The following RIMS2 variants were observed in gnomAD, a reference collection of about 807,000 sequenced individuals.
RIMS2 encodes regulating synaptic membrane exocytosis protein 2.
Under a neutral mutation model 174.4 loss-of-function variants are expected in RIMS2, and 59 were observed. The ratio of observed to expected loss-of-function variants is 0.34; its 90% CI spans 0.27 to 0.42. The LOEUF is 0.42. RIMS2 is among the 10% of genes least tolerant of loss of function. The pLI is 1.00. For missense variants in RIMS2, 1,620 were observed against 1,666.3 expected (o/e 0.97, Z 0.48); for synonymous variants, 606 against 572.5 (o/e 1.06, Z -0.84).
chr8:103,588,730 C>G (rs1396005818), intron 1 of RIMS2, among the ~76,000 whole-genome samples: 2 of 151,874 alleles, frequency 1.3e-5, no homozygotes, highest in Admixed American at 6.6e-5. Context: ...AACTAGACCC[C>G]TGTGTCTCAC....
intron 3 of RIMS2, among the ~76,000 whole-genome samples, chr8:103,810,143 C>A (rs1380968180): frequency 6.6e-6 from 1 of 152,182 alleles, no homozygotes; most frequent in East Asian, 1.9e-4. Flanking sequence ...CTAACCAGTT[C>A]ACTCTTCAGT....
intron 3 of RIMS2, among the ~76,000 whole-genome samples, chr8:103,833,563 C>CT (rs944365059): frequency 6.6e-6 from 1 of 151,842 alleles, no homozygotes; most frequent in African/African-American, 2.4e-5. Context: ...ATTTTTTCAA[C>CT]TTTTTTTGTG....
chr8:103,730,931 A>G (rs1230485181), intron 2 of RIMS2, among the ~76,000 whole-genome samples: 1 of 152,222 alleles, frequency 6.6e-6, no homozygotes, highest in African/African-American at 2.4e-5. Context: ...ATTGACTCAC[A>G]GTTCCACGTG....
intron 19 of RIMS2, among the ~76,000 whole-genome samples, chr8:104,096,729 G>A (rs751185515): frequency 1.3e-5 from 2 of 151,930 alleles, no homozygotes; most frequent in African/African-American, 4.8e-5. Context: ...TTAGCTGGGC[G>A]TGGTGGTGTG....
chr8:103,990,499 A>G (rs2094611172), intron 17 of RIMS2, among the ~76,000 whole-genome samples: 1 of 152,084 alleles, frequency 6.6e-6, no homozygotes, highest in Non-Finnish European at 1.5e-5. Flanking sequence ...AATTTGCTTA[A>G]CTTTTTCATA....
intron 1 of RIMS2, among the ~76,000 whole-genome samples, chr8:103,611,339 G>T (rs28806247): frequency 0.38 from 57,253 of 151,878 alleles, 11,129 homozygotes; most frequent in African/African-American, 0.4. Flanking sequence ...TTCTTAAGAG[G>T]AGTTGAGATA....
At position 104,002,561 on chromosome 8, in the gene RIMS2, C is replaced by T. The variant is rs75430231; in HGVS notation, c.3045-10881C>T. Among the ~76,000 whole-genome samples the T allele has an allele frequency of 2.5e-4, 38 of 152,220 alleles. No homozygotes were observed. In the East Asian group the frequency reaches 5.6e-3, roughly 22 times the overall value. ...AGCATCAGTATCTAAGTATTCAGTT[C>T]TCTAGCCTCGTTTTCAAGGTAGCAT... On this transcript the variant is annotated intron_variant, in intron 17 of 23. Transcript: ENST00000504942.
intron 1 of RIMS2, among the ~76,000 whole-genome samples, chr8:103,623,578 G>A (rs1475961330): frequency 1.5e-5 from 2 of 130,590 alleles, no homozygotes; most frequent in South Asian, 2.6e-4. Flanking sequence ...TCCGCCTCCC[G>A]GGTTCACGCC....
intron 19 of RIMS2, among the ~76,000 whole-genome samples, chr8:104,102,998 G>A (rs1305303557): frequency 6.6e-6 from 1 of 152,108 alleles, no homozygotes; most frequent in Non-Finnish European, 1.5e-5. Context: ...TCTCTGCTTT[G>A]GTAAATAGGT....
intron 14 of RIMS2, among the ~76,000 whole-genome samples, chr8:103,959,533 A>G (rs949477640): frequency 1.3e-5 from 2 of 151,776 alleles, no homozygotes; most frequent in African/African-American, 2.4e-5. Flanking sequence ...CCTCCCTAGT[A>G]GCTGGGACTA....
chr8:103,569,782 A>G (rs2092671560), intron 1 of RIMS2, among the ~76,000 whole-genome samples: 1 of 143,526 alleles, frequency 7.0e-6, no homozygotes, highest in Non-Finnish European at 1.5e-5. Context: ...GCCCCTGGCT[A>G]ATTTTAATTT....
At chr8:103,804,053 TA>T (rs1274250795) in intron 3 of RIMS2, among the ~76,000 whole-genome samples, 2 of 152,206 alleles carry the variant, frequency 1.3e-5, no homozygotes, top group Admixed American at 1.3e-4. Flanking sequence ...TTTAAGCTAT[TA>T]AAAATATGGT....
intron 2 of RIMS2, among the ~76,000 whole-genome samples, chr8:103,710,623 T>G (rs1192027329): frequency 1.3e-5 from 2 of 152,158 alleles, no homozygotes; most frequent in African/African-American, 2.4e-5. Flanking sequence ...TGTGGCAACT[T>G]TAACTTTTTG....
intron 19 of RIMS2, among the ~76,000 whole-genome samples, chr8:104,031,333 T>C (rs72683162): frequency 0.23 from 34,334 of 151,800 alleles, 4,403 homozygotes; most frequent in Non-Finnish European, 0.28. Flanking sequence ...TGCTTATTTC[T>C]AAAATAAGCT....
At position 103,751,095 on chromosome 8, in the gene RIMS2, T is replaced by G. The variant is rs568426847; in HGVS notation, c.388-15132T>G. Among the ~76,000 whole-genome samples the G allele has an allele frequency of 3.5e-4, 54 of 152,282 alleles. 1 individual carries two copies. In the South Asian group the frequency reaches 7.0e-3, roughly 20 times the overall value. ...TGGGCCTTTCACCTTCCACCAGGAT[T>G]GTGAGGCCTCCCCAGCCACATGGAA... On this transcript the variant is annotated intron_variant, in intron 2 of 23. Coordinates refer to ENST00000504942, the Ensembl canonical transcript of RIMS2.
At chr8:104,151,871 C>T (rs545868509) in intron 19 of RIMS2, among the ~76,000 whole-genome samples, 6 of 151,920 alleles carry the variant, frequency 3.9e-5, no homozygotes, top group South Asian at 4.2e-4. Flanking sequence ...TTTAGAATTG[C>T]GCGGAGGAAG....
At chr8:104,217,039 T>G (rs1467777244) in intron 19 of RIMS2, among the ~76,000 whole-genome samples, 1 of 152,188 alleles carries the variant, frequency 6.6e-6, no homozygotes, top group Non-Finnish European at 1.5e-5. Flanking sequence ...ATCCAGATAT[T>G]TATTCTTCCC....
intron 3 of RIMS2, among the ~76,000 whole-genome samples, chr8:103,777,093 A>G (rs767367124): frequency 2.0e-5 from 3 of 152,142 alleles, no homozygotes; most frequent in Admixed American, 6.6e-5. Context: ...ATTATGCAAC[A>G]GTCATGTGTA....
At chr8:103,690,117 T>G (rs1039872855) in intron 1 of RIMS2, among the ~76,000 whole-genome samples, 1 of 151,962 alleles carries the variant, frequency 6.6e-6, no homozygotes, top group African/African-American at 2.4e-5. Context: ...TGCACCATGA[T>G]GCCCAGCTAA....
Sources: gnomAD v4.1 joint callset for allele counts (sites outside exome capture counted in the v4.1 genomes callset) on GRCh38, gnomAD v4.1.1 for gene constraint, MANE v1.5 for transcripts, NCBI Gene and HGNC (gene_info 2026-07-23, HGNC 2026-07-21) for gene names.